STRN3: variants seen among roughly 807,000 people sequenced by gnomAD.
The protein encoded by STRN3 is striatin-3.
In STRN3, 29 loss-of-function variants were observed where a neutral mutation model predicts 95.6. The observed-to-expected ratio is 0.30, with a 90% CI of 0.23 to 0.41. The LOEUF is 0.41. Ranked by LOEUF, STRN3 falls within the 10% of genes least tolerant of loss-of-function variation. The pLI is 1.00. For missense variants in STRN3, 890 were observed against 972.1 expected (o/e 0.92, Z 1.12); for synonymous variants, 331 against 357.6 (o/e 0.93, Z 0.84).
At chr14:30,972,741 C>T (rs571417454) in intron 1 of STRN3, among the ~76,000 whole-genome samples, 27 of 152,198 alleles carry the variant, frequency 1.8e-4, no homozygotes, top group African/African-American at 6.3e-4. Context: ...AAGAGGTTGA[C>T]GTTACAATGA....
chr14:31,017,179 C>T (rs1474594582), intron 1 of STRN3, among the ~76,000 whole-genome samples: 1 of 151,770 alleles, frequency 6.6e-6, no homozygotes, highest in African/African-American at 2.4e-5. Context: ...AAAAGTGTAA[C>T]AACTATTTAC....
At chr14:30,929,955 A>AAAAAAAAAAAAAAAAAAAC (rs1878409402) in intron 7 of STRN3, among the ~76,000 whole-genome samples, 1 of 72,960 alleles carries the variant, frequency 1.4e-5, no homozygotes, top group Non-Finnish European at 2.9e-5. Flanking sequence ...TAAGATTAGC[A>AAAAAAAAAAAAAAAAAAAC]AAAAAAAAAA....
chr14:30,935,493 T>C (rs944282033), intron 6 of STRN3, among the ~76,000 whole-genome samples, 189 bp from the exon 7 acceptor site: 7 of 152,224 alleles, frequency 4.6e-5, no homozygotes, highest in Admixed American at 3.9e-4. Context: ...TGTGCCAAGA[T>C]TGATCTAAGT....
intron 7 of STRN3, among the ~76,000 whole-genome samples, chr14:30,934,076 A>C (rs567411685): frequency 9.2e-5 from 14 of 152,314 alleles, no homozygotes; most frequent in Admixed American, 5.9e-4. Context: ...CTGTAATCCC[A>C]GTACTTTGGG....
rs530797647 is a variant in STRN3, at chr14:30,922,066, T to A, written c.1100-2960A>T. Among the ~76,000 whole-genome samples, 15 of 152,056 alleles carry A rather than the reference T, an allele frequency of 9.9e-5. No individual in the cohort carries two copies. In the East Asian group the frequency reaches 2.3e-3, roughly 23 times the overall value. The stretch of plus-strand genomic sequence containing the variant: ...CAAGCTTGGCTAATTTAAAAAAAAA[T>A]TTTGTAGAGACAGGGTCTCACCATG... On this transcript the variant is annotated intron_variant, in intron 8 of 17. Coordinates refer to ENST00000357479, the MANE Select transcript of STRN3 (RefSeq NM_001083893.2).
chr14:30,971,125 A>G (rs1880806821), intron 1 of STRN3, among the ~76,000 whole-genome samples: 1 of 152,248 alleles, frequency 6.6e-6, no homozygotes, highest in Admixed American at 6.5e-5. Flanking sequence ...GGATGAAGTG[A>G]GCTTAAGAAT....
chr14:30,929,967 A>AAAAAAAAAAAAAAAAAAAAAAAATC (rs1555317336), intron 7 of STRN3, among the ~76,000 whole-genome samples: 1 of 91,122 alleles, frequency 1.1e-5, no homozygotes, highest in Non-Finnish European at 2.3e-5. Context: ...AAAAAAAAAA[A>AAAAAAAAAAAAAAAAAAAAAAAATC]AAAAAAAAAA....
chr14:31,017,424 A>C (rs1184569789), intron 1 of STRN3, among the ~76,000 whole-genome samples: 1 of 151,682 alleles, frequency 6.6e-6, no homozygotes, highest in South Asian at 2.1e-4. Flanking sequence ...GCGTGAACCC[A>C]GGAGGCAGAG....
At chr14:31,013,607 A>T (rs777933788) in intron 1 of STRN3, among the ~76,000 whole-genome samples, 49 of 151,604 alleles carry the variant, frequency 3.2e-4, no homozygotes, top group Non-Finnish European at 5.9e-4. Flanking sequence ...TCAAAATATA[A>T]TTTTTTTTAA....
intron 13 of STRN3, among the ~76,000 whole-genome samples, chr14:30,909,436 TGCCCTCCA>T (rs891150949): frequency 6.6e-6 from 1 of 151,990 alleles, no homozygotes; most frequent in African/African-American, 2.4e-5. Context: ...ATCACGCCAC[TGCCCTCCA>T]GCCTAGGAGA....
At chr14:31,015,501 T>C (rs915686651) in intron 1 of STRN3, among the ~76,000 whole-genome samples, 6 of 152,068 alleles carry the variant, frequency 3.9e-5, no homozygotes, top group South Asian at 4.2e-4. Context: ...GCCTCCTGAG[T>C]AGCTGAACTA....
chr14:30,972,935 G>A (rs1465502270), intron 1 of STRN3, among the ~76,000 whole-genome samples: 2 of 152,254 alleles, frequency 1.3e-5, no homozygotes, highest in Non-Finnish European at 2.9e-5. Flanking sequence ...ATTAGGCCGG[G>A]TGCGGGCTCA....
At chr14:30,999,568 G>A (rs1279195568) in intron 1 of STRN3, among the ~76,000 whole-genome samples, 1 of 152,178 alleles carries the variant, frequency 6.6e-6, no homozygotes. Context: ...CAGCAGCTAT[G>A]AGCAGGCAGA....
intron 7 of STRN3, among the ~76,000 whole-genome samples, chr14:30,934,110 T>G (rs557698069): frequency 1.3e-5 from 2 of 152,092 alleles, no homozygotes; most frequent in South Asian, 4.1e-4. Flanking sequence ...CGGATCGCGA[T>G]GTCAAGAGAT....
chr14:30,928,305 A>G (rs1470873297), intron 8 of STRN3, among the ~76,000 whole-genome samples: 1 of 152,188 alleles, frequency 6.6e-6, no homozygotes, highest in African/African-American at 2.4e-5. Flanking sequence ...ATATGAATGT[A>G]TTTGTCACCA....
intron 1 of STRN3, among the ~76,000 whole-genome samples, chr14:30,983,904 T>A (rs1042959380): frequency 2.0e-5 from 3 of 152,110 alleles, no homozygotes; most frequent in Admixed American, 2.0e-4. Flanking sequence ...AATAATAATA[T>A]TCTTTGAAAA....
At chr14:30,929,334 A>AG (rs777320968) in intron 7 of STRN3, 23 bp from the exon 8 acceptor site, 18 of 1,601,436 alleles carry the variant, frequency 1.1e-5, no homozygotes, top group Non-Finnish European at 1.5e-5. Flanking sequence ...TATTATTAAA[A>AG]GAAAAAAAAT....
Position 30,929,265 on chromosome 14 carries a change from C to A in STRN3, c.1035G>T (p.Gln345His). The change falls in exon 8 of 18, where the codon CAG (glutamine) becomes CAT (histidine). Residue 345 changes from glutamine to histidine, a missense_variant. Coordinates refer to ENST00000357479, the MANE Select transcript of STRN3 (RefSeq NM_001083893.2). Reference protein sequence around the residue: ...SPTAEVWDVDQGLISKLKEQY... With the variant: ...SPTAEVWDVDHGLISKLKEQY... ...GTTCCTTCAGTTTACTTATTAGTCC[C>A]TGGTCTACATCCCAAACCTCAGCAG... The A allele has an allele frequency of 6.2e-7, 1 of 1,613,522 alleles. No homozygotes were observed. The highest frequency in any genetic ancestry group is 1.7e-4 in the Middle Eastern group (1 of 6,058).
chr14:31,022,700 G>T (rs1246108652), intron 1 of STRN3, among the ~76,000 whole-genome samples: 2 of 151,774 alleles, frequency 1.3e-5, no homozygotes, highest in African/African-American at 2.4e-5. Context: ...TACAAGAGTG[G>T]TAACATGACT....
Sources: gnomAD v4.1 joint callset for allele counts (sites outside exome capture counted in the v4.1 genomes callset) on GRCh38, gnomAD v4.1.1 for gene constraint, MANE v1.5 for transcripts, NCBI Gene and HGNC (gene_info 2026-07-23, HGNC 2026-07-21) for gene names.